Variants in RPN1 observed in about 807,000 individuals in gnomAD.
The protein encoded by RPN1 is ribophorin I, also known as dolichyl-diphosphooligosaccharide--protein glycosyltransferase subunit 1.
A neutral mutation model predicts 55.5 loss-of-function variants in RPN1; 12 were observed. The ratio of observed to expected loss-of-function variants is 0.22; its 90% CI spans 0.14 to 0.35. RPN1 has a LOEUF of 0.35. Among genes scored for constraint, RPN1 ranks in the 10% least tolerant of loss-of-function variants. The pLI is 1.00. For missense variants in RPN1, 679 were observed against 761.3 expected (o/e 0.89, Z 1.27); for synonymous variants, 317 against 305.9 (o/e 1.04, Z -0.38).
At position 128,620,278 on chromosome 3, in the gene RPN1, T is replaced by C; in HGVS notation, c.*133A>G. ...TCACACTGCCTGACGCAGGGCCTGG[T>C]TTCTCTTCCTTGAAGGCCTTTTACA... On this transcript the variant is annotated 3_prime_UTR_variant, in exon 10 of 10. Coordinates refer to ENST00000296255, the MANE Select transcript of RPN1 (RefSeq NM_002950.4). The C allele has an allele frequency of 1.6e-6, 1 of 619,972 alleles. No individual in the cohort carries two copies. Among genetic ancestry groups the C allele is most frequent in the South Asian group, 3.9e-5 (1 of 25,836 alleles). 38.4% of individuals were successfully genotyped at this position (619,972 alleles called of 1,614,324 possible).
At chr3:128,633,533 T>C (rs957047001) in intron 3 of RPN1, among the ~76,000 whole-genome samples, 1 of 152,104 alleles carries the variant, frequency 6.6e-6, no homozygotes, top group Non-Finnish European at 1.5e-5. Flanking sequence ...TTTTAAAATG[T>C]TCATATCCTT....
chr3:128,645,025 T>C lies in RPN1; in HGVS notation c.262-42A>G, dbSNP rs779703993. On this transcript the variant is annotated intron_variant, in intron 1 of 9. Coordinates refer to ENST00000296255, the MANE Select transcript of RPN1 (RefSeq NM_002950.4). Reference sequence around the variant, plus strand: ...TAGTTTATTATTCATGTCTTTTGGCTTCTAAATTTTGAGTCAATAATTAAC... The same window carrying C: ...TAGTTTATTATTCATGTCTTTTGGCCTCTAAATTTTGAGTCAATAATTAAC... The C allele has an allele frequency of 4.2e-6, 5 of 1,197,418 alleles. No individual in the cohort carries two copies. The African/African-American group carries it at 7.5e-5, about 18-fold the overall frequency. The allele number at this position is 1,197,418 out of a possible 1,614,324, so 74.2% of individuals were successfully genotyped here.
intron 5 of RPN1, among the ~76,000 whole-genome samples, chr3:128,628,709 C>T (rs1263424032): frequency 6.6e-6 from 1 of 151,354 alleles, no homozygotes; most frequent in Non-Finnish European, 1.5e-5. Context: ...AGGCCTGGCA[C>T]AGTGGCTTAC....
Position 128,622,152 on chromosome 3 carries a change from C to G in RPN1, c.1641+12G>C. The G allele has an allele frequency of 1.2e-6, 2 of 1,613,288 alleles. No individual in the cohort carries two copies. The highest frequency in any genetic ancestry group is 1.7e-6 in the Non-Finnish European group (2 of 1,179,402). ...CCCCAAGCCAAGCAACTCTGTGACG[C>G]CCGACACTTACTCTGTCGCACAGAT... On this transcript the variant is annotated intron_variant, in intron 9 of 9. Transcript: ENST00000296255.
chr3:128,650,304 C>T (rs1366060117), intron 1 of RPN1, among the ~76,000 whole-genome samples: 1 of 152,118 alleles, frequency 6.6e-6, no homozygotes, highest in East Asian at 1.9e-4. Flanking sequence ...CCGGTGCTGA[C>T]GTGGCCCAGG....
At chr3:128,646,041 A>C (rs895765983) in intron 1 of RPN1, among the ~76,000 whole-genome samples, 2 of 151,540 alleles carry the variant, frequency 1.3e-5, no homozygotes, top group African/African-American at 4.9e-5. Flanking sequence ...TCAGGAGTTC[A>C]AGACCAGTCT....
At chr3:128,633,855 C>T (rs577024526) in intron 3 of RPN1, among the ~76,000 whole-genome samples, 59 of 151,068 alleles carry the variant, frequency 3.9e-4, no homozygotes, top group Non-Finnish European at 7.2e-4. Context: ...TGGTGATGGG[C>T]GCCTGTAGTC....
chr3:128,621,545 G>A (rs1026784910), intron 9 of RPN1, among the ~76,000 whole-genome samples: 2 of 152,244 alleles, frequency 1.3e-5, no homozygotes, highest in South Asian at 2.1e-4. Context: ...TTCACACAGA[G>A]TGAGGAGAGG....
Position 128,632,002 on chromosome 3 carries a change from G to C in RPN1, c.789C>G (p.Arg263=). The C allele has an allele frequency of 1.2e-6, 2 of 1,614,176 alleles. No homozygotes were observed. The highest frequency in any genetic ancestry group is 4.5e-5 in the East Asian group (2 of 44,884). ...TGAVLKGPFS[R]YDYQRQPDSG... ...TATCTGGCTGTCTCTGGTAATCATA[G>C]CGTGAGAAAGGCCCCTTAAGCACAG... The change falls in exon 4 of 10, where the codon CGC becomes CGG. Residue 263 remains arginine, a synonymous_variant. Transcript: ENST00000296255.
intron 1 of RPN1, 150 bp from the exon 2 acceptor site, chr3:128,645,133 T>A: frequency 1.6e-6 from 1 of 616,816 alleles, no homozygotes; most frequent in Non-Finnish European, 2.9e-6. Context: ...GTAACAATTT[T>A]TTTTTCTCTG....
rs199783080 is a variant in RPN1, at chr3:128,644,943, C to T, written c.302G>A (p.Arg101His). 5.7e-6 allele frequency: 9 copies of T among 1,574,880 alleles called. No homozygotes were observed. The Admixed American group carries it at 8.3e-5, about 15-fold the overall frequency. Reference protein sequence around the residue: ...EDEEENNLEVRETKIKGKSGR... With the variant: ...EDEEENNLEVHETKIKGKSGR... Reference sequence around the variant, plus strand: ...CCTTTTACCCTTAATTTTGGTTTCACGTACTTCCAAATTGTTCTCTTCCTC... The same window carrying T: ...CCTTTTACCCTTAATTTTGGTTTCATGTACTTCCAAATTGTTCTCTTCCTC... The change falls in exon 2 of 10, where the codon CGT becomes CAT. Residue 101 changes from arginine to histidine, a missense_variant. Arg to His is a conservative substitution (Grantham distance 29). Transcript: ENST00000296255.
At chr3:128,627,038 C>A in intron 5 of RPN1, 1 of 562,642 alleles carries the variant, frequency 1.8e-6, no homozygotes, top group Non-Finnish European at 3.2e-6. Flanking sequence ...AAAACACCGA[C>A]AGCCACAAGA....
chr3:128,626,659 T>C (rs942958434), intron 6 of RPN1, 74 bp downstream of exon 6: 68 of 1,301,894 alleles, frequency 5.2e-5, no homozygotes, highest in East Asian at 2.3e-4. Flanking sequence ...CCCTAGAACA[T>C]AGGCTCTCCT....
In RPN1 at chr3:128,630,046, A is replaced by G; in HGVS notation, c.941T>C (p.Met314Thr). ...HLLILDDSVE[M>T]EIRPRFPLFG... ...GAGAGGGAAGCGAGGCCGGATTTCC[A>G]TCTCTACAGAGTCATCCAAAATAAG... Residue 314 changes from methionine to threonine, a missense_variant, in exon 5 of 10, where the codon ATG (methionine) becomes ACG (threonine). Physicochemically the swap from Met to Thr is moderately conservative, Grantham distance 81 (BLOSUM62 -1). This residue lies in a region of RPN1 where 21 missense variants were observed against 48.6 expected (regional missense o/e 0.43). Transcript: ENST00000296255. The G allele has an allele frequency of 1.2e-6, 2 of 1,613,358 alleles. No homozygotes were observed. The highest frequency in any genetic ancestry group is 2.2e-5 in the East Asian group (1 of 44,884).
chr3:128,626,871 C>T (rs371897237), intron 5 of RPN1, 39 bp from the exon 6 acceptor site: 76 of 1,569,724 alleles, frequency 4.8e-5, no homozygotes, highest in Middle Eastern at 1.7e-4. Context: ...ATGTGGAAAA[C>T]GGATCAAATG....
chr3:128,627,096 A>G, intron 5 of RPN1: 1 of 435,620 alleles, frequency 2.3e-6, no homozygotes, highest in East Asian at 4.3e-5. Flanking sequence ...GAGAAGAAAC[A>G]GGGCAACTGA....
Position 128,620,930 on chromosome 3 carries a change from T to C in RPN1, c.1642-337A>G, listed in dbSNP as rs76031096. ...CCCCTGGCACATAGCAGCTCCTCTA[T>C]GAACATCACTTCTCTCCTTGCAGCT... On this transcript the variant is annotated intron_variant, in intron 9 of 9. Transcript: ENST00000296255. Among the ~76,000 whole-genome samples the C allele has an allele frequency of 3.8e-3, 577 of 152,294 alleles. 2 individuals carry two copies. The highest frequency in any genetic ancestry group is 7.1e-3 in the Admixed American group (109 of 15,302).
At chr3:128,629,439 A>T (rs887621222) in intron 5 of RPN1, among the ~76,000 whole-genome samples, 12 of 151,656 alleles carry the variant, frequency 7.9e-5, no homozygotes. Flanking sequence ...GCGGGCACCT[A>T]TAATCCCAGC....
chr3:128,649,695 C>G (rs2069799173), intron 1 of RPN1, among the ~76,000 whole-genome samples: 1 of 152,108 alleles, frequency 6.6e-6, no homozygotes, highest in African/African-American at 2.4e-5. Flanking sequence ...CTCCCAAACC[C>G]AACATTTTCT....
Sources: allele counts gnomAD v4.1 joint callset (sites outside exome capture counted in the v4.1 genomes callset), GRCh38; gene constraint gnomAD v4.1.1; regional missense constraint gnomAD v4.1.1; transcripts MANE v1.5; gene names NCBI Gene and HGNC (gene_info 2026-07-23, HGNC 2026-07-21).